The following NAV2 variants were observed in gnomAD, a reference collection of about 807,000 sequenced individuals.
The protein encoded by NAV2 is neuron navigator 2, also known as helicase, APC down-regulated 1.
Under a neutral mutation model 223.2 loss-of-function variants are expected in NAV2, and 54 were observed. That is an observed-to-expected ratio of 0.24 (90% CI 0.19 to 0.30). The LOEUF (loss-of-function observed/expected upper bound fraction) is 0.30. NAV2 is among the 10% of genes least tolerant of loss of function. The pLI, the probability that NAV2 is intolerant of heterozygous loss-of-function variation, is 1.00. For synonymous variants in NAV2, 1,279 were observed against 1,239.3 expected, an observed-to-expected ratio of 1.03 and a Z score of -0.67; for missense variants, 2,806 against 3,147.5, an observed-to-expected ratio of 0.89 and a Z score of 2.60.
intron 11 of NAV2, among the ~76,000 whole-genome samples, chr11:20,020,846 C>G (rs1565782273): frequency 6.6e-6 from 1 of 152,174 alleles, no homozygotes; most frequent in Non-Finnish European, 1.5e-5. Flanking sequence ...TCGCTGTACC[C>G]TTGGACTCTC....
At chr11:19,983,996 C>A in intron 10 of NAV2, 129 bp from the exon 11 acceptor site, 1 of 1,192,148 alleles carries the variant, frequency 8.4e-7, no homozygotes, top group Non-Finnish European at 1.2e-6. Context: ...AGTGCCAGAG[C>A]CTCAGGGAAT....
chr11:19,616,239 T>G (rs2046785337), intron 1 of NAV2, among the ~76,000 whole-genome samples: 1 of 152,024 alleles, frequency 6.6e-6, no homozygotes, highest in African/African-American at 2.4e-5. Context: ...TATTTCTGTG[T>G]TTGTAATTTA....
chr11:19,532,725 T>C (rs939522538), intron 1 of NAV2, among the ~76,000 whole-genome samples: 1 of 152,206 alleles, frequency 6.6e-6, no homozygotes, highest in Non-Finnish European at 1.5e-5. Context: ...TGATGCATAA[T>C]TCTTGAGCTA....
intron 1 of NAV2, among the ~76,000 whole-genome samples, chr11:19,372,024 C>T (rs1168267362): frequency 6.6e-6 from 1 of 152,054 alleles, no homozygotes; most frequent in Non-Finnish European, 1.5e-5. Flanking sequence ...GGTGATCCAC[C>T]CTCCTTGGCC....
intron 11 of NAV2, among the ~76,000 whole-genome samples, chr11:19,986,673 A>T (rs777379840): frequency 6.6e-6 from 1 of 152,244 alleles, no homozygotes; most frequent in Non-Finnish European, 1.5e-5. Flanking sequence ...AGTTTTAAAG[A>T]AAGAACTCAG....
intron 6 of NAV2, among the ~76,000 whole-genome samples, chr11:19,913,157 T>C (rs1363712419): frequency 6.6e-6 from 1 of 152,198 alleles, no homozygotes; most frequent in African/African-American, 2.4e-5. Flanking sequence ...TATAACCAGG[T>C]CAGAAATCAT....
chr11:19,705,993 A>G (rs1390728512), intron 1 of NAV2, among the ~76,000 whole-genome samples: 1 of 152,136 alleles, frequency 6.6e-6, no homozygotes, highest in Non-Finnish European at 1.5e-5. Flanking sequence ...TATCTCTAAG[A>G]CCATATACTC....
chr11:19,793,219 AAAAAAAAAAAG>A (rs2057653097), intron 1 of NAV2, among the ~76,000 whole-genome samples: 1 of 146,826 alleles, frequency 6.8e-6, no homozygotes, highest in African/African-American at 2.6e-5. Context: ...AAAAAAAAAA[AAAAAAAAAAAG>A]AAAGAAAGAA....
At chr11:19,663,650 C>CTTCTTCAT (rs1012665613) in intron 1 of NAV2, among the ~76,000 whole-genome samples, 2 of 152,184 alleles carry the variant, frequency 1.3e-5, no homozygotes, top group African/African-American at 2.4e-5. Context: ...ATCCTCCTTC[C>CTTCTTCAT]TTCTTCATTT....
chr11:19,733,676 G>C (rs918780873), intron 1 of NAV2, among the ~76,000 whole-genome samples: 1 of 152,202 alleles, frequency 6.6e-6, no homozygotes. Flanking sequence ...GGAGAGGAAA[G>C]AGGGTTTTTC....
intron 1 of NAV2, among the ~76,000 whole-genome samples, chr11:19,596,079 A>C (rs185934582): frequency 1.3e-5 from 2 of 152,244 alleles, no homozygotes; most frequent in East Asian, 3.8e-4. Flanking sequence ...AATTGTTTTC[A>C]TAACCCAGTA....
rs550335791 is a variant in NAV2 at position 20,118,039 on chromosome 11, G to A, written c.7165-94G>A. 78 of 1,432,504 alleles carry A rather than the reference G, an allele frequency of 5.4e-5. No individual in the cohort carries two copies. The African/African-American group carries it at 5.7e-4, about 10-fold the overall frequency. 88.7% of individuals were successfully genotyped at this position (1,432,504 alleles called of 1,614,324 possible). ...CCTCCACTGTGGGCTGTTATCCCAG[G>A]TGAGTCTGGAGGAGGTGGCATGACC... On this transcript the variant is annotated intron_variant, in intron 37 of 37. Transcript: ENST00000349880.
chr11:19,564,923 T>C lies in NAV2; in HGVS notation c.75+213896T>C, dbSNP rs1457634431. Among the ~76,000 whole-genome samples, 4 of 152,202 alleles carry C rather than the reference T, an allele frequency of 2.6e-5. No individual in the cohort carries two copies. The East Asian group carries it at 7.7e-4, about 29-fold the overall frequency. On this transcript the variant is annotated intron_variant, in intron 1 of 37. Coordinates refer to the NAV2 transcript ENST00000360655. ...GCAGAGGCTGGCGGATCACCTGAGG[T>C]CAGGAGTTCAAGACCAGCCTGGTCA... is the stretch of plus-strand genomic sequence containing the variant.
Position 19,585,076 on chromosome 11 carries a change from G to A in NAV2, c.75+234049G>A, listed in dbSNP as rs567491148. On this transcript the variant is annotated intron_variant, in intron 1 of 37. Transcript: ENST00000360655. ...ATCTGGGTGCTCCTATATTGGGTGCGTATATATTTAGGATAGTTAGCTCTT... is the reference window on the plus strand; with the variant it reads ...ATCTGGGTGCTCCTATATTGGGTGCATATATATTTAGGATAGTTAGCTCTT... 4.7e-4 allele frequency among the ~76,000 whole-genome samples: 71 copies of A among 152,236 alleles called. No homozygotes were observed. The East Asian group carries it at 6.2e-3, about 13-fold the overall frequency.
chr11:19,356,947 T>C (rs1853655821), intron 1 of NAV2, among the ~76,000 whole-genome samples: 1 of 152,232 alleles, frequency 6.6e-6, no homozygotes, highest in Non-Finnish European at 1.5e-5. Context: ...TGAACAATGA[T>C]TCAGGCACCC....
intron 11 of NAV2, among the ~76,000 whole-genome samples, chr11:20,001,556 T>C (rs572392758): frequency 2.6e-5 from 4 of 152,226 alleles, no homozygotes; most frequent in African/African-American, 9.6e-5. Context: ...CTCTCAGGAC[T>C]GTCTCAGCCC....
intron 6 of NAV2, among the ~76,000 whole-genome samples, chr11:19,929,260 G>GA (rs201848028): frequency 0.019 from 2,945 of 151,888 alleles, 96 homozygotes; most frequent in African/African-American, 0.067. Context: ...CTCAAAAAAA[G>GA]AAAAAAAGAA....
intron 1 of NAV2, among the ~76,000 whole-genome samples, chr11:19,671,274 A>T (rs2048565075): frequency 6.6e-6 from 1 of 152,250 alleles, no homozygotes; most frequent in Non-Finnish European, 1.5e-5. Context: ...CCAAGCACAC[A>T]AGCACACAGT....
upstream of NAV2, among the ~76,000 whole-genome samples, chr11:19,348,812 T>G (rs1853135124): frequency 6.6e-6 from 1 of 152,228 alleles, no homozygotes; most frequent in Non-Finnish European, 1.5e-5. Context: ...AGTTACTGGC[T>G]CAGGGTCACA....
Sources: gnomAD v4.1 joint callset for allele counts (sites outside exome capture counted in the v4.1 genomes callset) on GRCh38, gnomAD v4.1.1 for gene constraint, MANE v1.5 for transcripts, NCBI Gene and HGNC (gene_info 2026-07-23, HGNC 2026-07-21) for gene names.